The following TSC22D4 variants were observed in gnomAD, a reference collection of about 807,000 sequenced individuals.
The protein encoded by TSC22D4 is TSC22 domain family member 4, also known as TSC22 domain family protein 4.
Under a neutral mutation model 24.9 loss-of-function variants are expected in TSC22D4, and 5 were observed. That is an observed-to-expected ratio of 0.20 (90% CI 0.10 to 0.42). TSC22D4 has a LOEUF of 0.42. TSC22D4 is among the 10% of genes least tolerant of loss of function. TSC22D4 has a pLI of 1.00. For missense variants in TSC22D4, 469 were observed against 547.9 expected, an observed-to-expected ratio of 0.86 and a Z score of 1.44; for synonymous variants, 245 against 243.2, an observed-to-expected ratio of 1.01 and a Z score of -0.07.
At position 100,474,471 on chromosome 7, in the gene TSC22D4, GAA is replaced by G; in HGVS notation, c.763-33_763-32del. Reference sequence around the variant, plus strand: ...GGCGGAGAGGTAGGAACCATCACATGAAAAGAGAAAAGAAAGGAACCAGCTGC... The same window carrying G: ...GGCGGAGAGGTAGGAACCATCACATGAAGAGAAAAGAAAGGAACCAGCTGC... On this transcript the variant is annotated intron_variant, in intron 2 of 4. Coordinates refer to ENST00000300181, the MANE Select transcript of TSC22D4 (RefSeq NM_030935.5). This position sits in a 1 kb window ranked among gnomAD's most constrained non-coding sequence, Gnocchi z 4.3. 1 of 1,611,338 alleles carries G rather than the reference GAA, an allele frequency of 6.2e-7. No individual in the cohort carries two copies. The highest frequency in any genetic ancestry group is 1.1e-5 in the South Asian group (1 of 90,940).
chr7:100,476,567 T>C (rs144376532), intron 2 of TSC22D4, among the ~76,000 whole-genome samples: 1 of 151,804 alleles, frequency 6.6e-6, no homozygotes, highest in Non-Finnish European at 1.5e-5. Context: ...GGAGAAAGAG[T>C]ATGGGACTGA....
chr7:100,475,380 C>T (rs111525854), intron 2 of TSC22D4, among the ~76,000 whole-genome samples: 1 of 152,320 alleles, frequency 6.6e-6, no homozygotes, highest in Non-Finnish European at 1.5e-5. Flanking sequence ...AACCACTGCA[C>T]CCAGGCTGCC....
chr7:100,475,676 G>T (rs868763327), intron 2 of TSC22D4, among the ~76,000 whole-genome samples: 42 of 151,940 alleles, frequency 2.8e-4, no homozygotes, highest in South Asian at 8.3e-4. Context: ...CCTAGGGTTG[G>T]GGGGGGAGCT....
intron 3 of TSC22D4, among the ~76,000 whole-genome samples, chr7:100,470,491 A>G (rs931469272): frequency 1.3e-5 from 2 of 152,144 alleles, no homozygotes; most frequent in Non-Finnish European, 2.9e-5. Flanking sequence ...CCTCCGGCAA[A>G]ATGGGGTTTC....
intron 3 of TSC22D4, among the ~76,000 whole-genome samples, chr7:100,469,793 G>A (rs1282956299): frequency 6.6e-6 from 1 of 152,198 alleles, no homozygotes; most frequent in Non-Finnish European, 1.5e-5. Context: ...CTTTCCTGCA[G>A]GGGGATCAGC....
intron 3 of TSC22D4, chr7:100,467,814 G>A (rs985079975): frequency 1.4e-6 from 1 of 699,364 alleles, no homozygotes; most frequent in East Asian, 2.8e-5. Context: ...CTCGGATGGG[G>A]GATGCACCCC....
intron 2 of TSC22D4, among the ~76,000 whole-genome samples, chr7:100,476,926 T>C (rs1452045791): frequency 6.6e-6 from 1 of 152,068 alleles, no homozygotes; most frequent in Non-Finnish European, 1.5e-5. Context: ...GCTACCCAGC[T>C]ATCCAGCTGG....
At chr7:100,471,131 C>G (rs1422596202) in intron 3 of TSC22D4, among the ~76,000 whole-genome samples, 1 of 150,702 alleles carries the variant, frequency 6.6e-6, no homozygotes, top group African/African-American at 2.4e-5. Context: ...GGGGATCCCC[C>G]AGGGCCTAGG....
Position 100,474,219 on chromosome 7 carries a change from G to T in TSC22D4, c.929+55C>A, listed in dbSNP as rs1799447501. Reference sequence around the variant, plus strand: ...AGGCACTTTCTTACAGCTACCCCGGGTGCTGGGCGGGGAACCTGAACCCCA... The same window carrying T: ...AGGCACTTTCTTACAGCTACCCCGGTTGCTGGGCGGGGAACCTGAACCCCA... On this transcript the variant is annotated intron_variant, in intron 3 of 4. Transcript: ENST00000300181. This position sits in a 1 kb window ranked among gnomAD's most constrained non-coding sequence, Gnocchi z 4.3. The T allele has an allele frequency of 2.8e-5, 44 of 1,597,864 alleles. No homozygotes were observed. Among genetic ancestry groups the T allele is most frequent in the Non-Finnish European group, 3.5e-5 (41 of 1,168,536 alleles).
At chr7:100,475,611 C>T (rs1229942804) in intron 2 of TSC22D4, among the ~76,000 whole-genome samples, 1 of 152,184 alleles carries the variant, frequency 6.6e-6, no homozygotes, top group East Asian at 1.9e-4. Flanking sequence ...CCCCCACTCT[C>T]GCTTCCCCTC....
At position 100,477,193 on chromosome 7, in the gene TSC22D4, GAGA is replaced by G. The variant is rs143246349; in HGVS notation, c.762+81_762+83del. On this transcript the variant is annotated intron_variant, in intron 2 of 4. Coordinates refer to ENST00000300181, the MANE Select transcript of TSC22D4 (RefSeq NM_030935.5). The surrounding 1 kb of genome is among the most constrained non-coding windows in gnomAD (Gnocchi z 7.8). ...TTATAAAGTGATGGAGAAGGAGGAG[GAGA>G]GGGGGGGGAGGAGGAGGAAGGAGGC... is the stretch of plus-strand genomic sequence containing the variant. 135,399 of 1,070,900 alleles carry G rather than the reference GAGA, an allele frequency of 0.13. 7,036 individuals carry two copies. Among genetic ancestry groups the G allele is most frequent in the Middle Eastern group, 0.15 (538 of 3,636 alleles). The allele number at this position is 1,070,900 out of a possible 1,614,324, so 66.3% of individuals were successfully genotyped here.
Position 100,467,620 on chromosome 7 carries a change from T to G in TSC22D4, c.930-20A>C, listed in dbSNP as rs1584345905. The G allele has an allele frequency of 1.2e-6, 2 of 1,613,664 alleles. No homozygotes were observed. The highest frequency in any genetic ancestry group is 1.7e-6 in the Non-Finnish European group (2 of 1,179,794). On this transcript the variant is annotated intron_variant, in intron 3 of 4. Transcript: ENST00000300181. ...GAGCCACTGGAGAGACACAGGAAGG[T>G]GAGGGGAGGAGAGGAGAAGCCTTCC... is the stretch of plus-strand genomic sequence containing the variant.
At chr7:100,472,858 G>A (rs1799420331) in intron 3 of TSC22D4, among the ~76,000 whole-genome samples, 1 of 152,056 alleles carries the variant, frequency 6.6e-6, no homozygotes, top group South Asian at 2.1e-4. Flanking sequence ...CCCCTGATCT[G>A]GGGAGGACAG....
In TSC22D4 at chr7:100,474,785, G is replaced by C. The variant is rs572496837; in HGVS notation, c.763-345C>G. Among the ~76,000 whole-genome samples the C allele has an allele frequency of 1.3e-5, 2 of 152,188 alleles. No individual in the cohort carries two copies. The highest frequency in any genetic ancestry group is 4.8e-5 in the African/African-American group (2 of 41,534). On this transcript the variant is annotated intron_variant, in intron 2 of 4. Coordinates refer to ENST00000300181, the MANE Select transcript of TSC22D4 (RefSeq NM_030935.5). This position sits in a 1 kb window ranked among gnomAD's most constrained non-coding sequence, Gnocchi z 4.3. ...GACCCCTAATCAGAGGCTACGCAGC[G>C]TGTCTGCCTTCTTTTATGTTTTATT...
At chr7:100,476,857 C>T (rs921290760) in intron 2 of TSC22D4, among the ~76,000 whole-genome samples, 2 of 152,156 alleles carry the variant, frequency 1.3e-5, no homozygotes, top group Admixed American at 6.5e-5. Context: ...TGGCAGCGCG[C>T]AAGGCCTACC....
Position 100,474,254 on chromosome 7 carries a change from ACC to A in TSC22D4, c.929+18_929+19del, listed in dbSNP as rs752795818. The A allele has an allele frequency of 6.2e-7, 1 of 1,610,958 alleles. No individual in the cohort carries two copies. The highest frequency in any genetic ancestry group is 1.7e-5 in the Admixed American group (1 of 59,952). ...GGGAACCTGAACCCCACGCCCCACC[ACC>A]CCACGAAGCCCACCTACCTATCATC... On this transcript the variant is annotated intron_variant, in intron 3 of 4. Coordinates refer to ENST00000300181, the MANE Select transcript of TSC22D4 (RefSeq NM_030935.5). This position sits in a 1 kb window ranked among gnomAD's most constrained non-coding sequence, Gnocchi z 4.3.
At chr7:100,478,400 T>TGTGTGTGTGA (rs1448660933) in intron 1 of TSC22D4, 93 bp from the exon 2 acceptor site, 6 of 204,268 alleles carry the variant, frequency 2.9e-5, no homozygotes, top group South Asian at 1.6e-4. Context: ...TGTGTGTGTG[T>TGTGTGTGTGA]GAAACCAGTG....
At chr7:100,475,230 C>T (rs1799473657) in intron 2 of TSC22D4, among the ~76,000 whole-genome samples, 1 of 152,198 alleles carries the variant, frequency 6.6e-6, no homozygotes, top group Non-Finnish European at 1.5e-5. Flanking sequence ...ACTACCGGCA[C>T]CTGCCATCAC....
chr7:100,471,427 T>C (rs1465711933), intron 3 of TSC22D4, among the ~76,000 whole-genome samples: 1 of 152,090 alleles, frequency 6.6e-6, no homozygotes, highest in Non-Finnish European at 1.5e-5. Flanking sequence ...ACTAGCTGGG[T>C]GGCCCTTGGG....
Sources: allele counts gnomAD v4.1 joint callset (sites outside exome capture counted in the v4.1 genomes callset), GRCh38; gene constraint gnomAD v4.1.1; non-coding constraint Gnocchi (gnomAD v3.1); transcripts MANE v1.5; gene names NCBI Gene and HGNC (gene_info 2026-07-23, HGNC 2026-07-21).